Variants in GPC3 observed in about 807,000 individuals in gnomAD.
The protein encoded by GPC3 is glypican 3.
GPC3 carries 3 observed loss-of-function variants against 34.4 expected under a neutral mutation model. That is an observed-to-expected ratio of 0.09 (90% CI 0.04 to 0.23). The LOEUF (loss-of-function observed/expected upper bound fraction) is 0.23, where lower values mean the gene tolerates loss of function less well. GPC3 is among the 10% of genes least tolerant of loss of function. The pLI is 1.00. For synonymous variants in GPC3, 177 were observed against 174.0 expected, an observed-to-expected ratio of 1.02 and a Z score of -0.13; for missense variants, 351 against 445.6, an observed-to-expected ratio of 0.79 and a Z score of 1.91.
At chrX:133,830,859 T>C (rs779635974) in intron 2 of GPC3, among the ~76,000 whole-genome samples, 3 of 109,323 alleles carry the variant, frequency 2.7e-5, no homozygotes, top group African/African-American at 1.0e-4. Context: ...GAGAAAGACA[T>C]TTATAGGACA....
chrX:133,708,945 TTA>T (rs1475460999), intron 3 of GPC3, among the ~76,000 whole-genome samples: 1 of 112,466 alleles, frequency 8.9e-6, no homozygotes, highest in African/African-American at 3.2e-5. Flanking sequence ...GAAATAATGA[TTA>T]TGTTTTTCCA....
At chrX:133,598,559 T>G (rs1208789007) in intron 6 of GPC3, among the ~76,000 whole-genome samples, 1 of 111,532 alleles carries the variant, frequency 9.0e-6, no homozygotes, top group Non-Finnish European at 1.9e-5. Context: ...GTTGAAACAT[T>G]TGCAGTTAAT....
chrX:133,788,088 T>TTA (rs56318773), intron 2 of GPC3, among the ~76,000 whole-genome samples: 2,953 of 64,693 alleles, frequency 0.046, 96 homozygotes, highest in South Asian at 0.13. Flanking sequence ...TCATATTATT[T>TTA]TATATATATA....
At chrX:133,726,593 C>G (rs2071409788) in intron 3 of GPC3, among the ~76,000 whole-genome samples, 1 of 111,081 alleles carries the variant, frequency 9.0e-6, no homozygotes, top group African/African-American at 3.3e-5. Flanking sequence ...CTTATGGAGT[C>G]CCTCTCAGCA....
At chrX:133,850,189 GTTTT>G (rs1278278255) in intron 2 of GPC3, among the ~76,000 whole-genome samples, 6 of 72,678 alleles carry the variant, frequency 8.3e-5, no homozygotes, top group Admixed American at 1.4e-4. Context: ...TGTTTTTTGG[GTTTT>G]GTTTTTTTTT....
intron 2 of GPC3, among the ~76,000 whole-genome samples, chrX:133,926,885 T>C (rs912903408): frequency 9.4e-6 from 1 of 106,918 alleles, no homozygotes; most frequent in Admixed American, 1.0e-4. Context: ...AGACTGGGCC[T>C]GGAGCTTGGT....
intron 1 of GPC3, among the ~76,000 whole-genome samples, chrX:133,961,346 G>A (rs985301850): frequency 1.8e-5 from 2 of 111,233 alleles, no homozygotes; most frequent in Non-Finnish European, 3.8e-5. Flanking sequence ...AAGCAACCGT[G>A]GAGATAAGCC....
intron 6 of GPC3, among the ~76,000 whole-genome samples, chrX:133,634,054 G>A (rs1203922067): frequency 8.9e-6 from 1 of 111,933 alleles, no homozygotes; most frequent in Non-Finnish European, 1.9e-5. Context: ...ATATGTACCA[G>A]TGGATAATAG....
At chrX:133,802,380 T>G (rs1167060759) in intron 2 of GPC3, among the ~76,000 whole-genome samples, 2 of 110,425 alleles carry the variant, frequency 1.8e-5, no homozygotes, top group Admixed American at 1.9e-4. Flanking sequence ...CAACAACATA[T>G]TAAGAGCCAA....
At chrX:133,821,986 T>C (rs1351562492) in intron 2 of GPC3, among the ~76,000 whole-genome samples, 5 of 112,061 alleles carry the variant, frequency 4.5e-5, no homozygotes, top group Non-Finnish European at 1.9e-5. Flanking sequence ...CTAAAGGGCA[T>C]GCATAAATAC....
intron 1 of GPC3, among the ~76,000 whole-genome samples, chrX:133,971,020 GA>G (rs1305042385): frequency 1.8e-5 from 2 of 112,218 alleles, no homozygotes; most frequent in Non-Finnish European, 3.8e-5. Context: ...CTTCATCAGG[GA>G]AAAGCAGGTT....
At chrX:133,692,913 C>T (rs966972976) in intron 4 of GPC3, among the ~76,000 whole-genome samples, 1 of 110,930 alleles carries the variant, frequency 9.0e-6, no homozygotes, top group Non-Finnish European at 1.9e-5. Context: ...AGAGATGGTC[C>T]GTTTCCATAT....
chrX:133,884,844 A>T (rs1397589645), intron 2 of GPC3, among the ~76,000 whole-genome samples: 1 of 112,124 alleles, frequency 8.9e-6, no homozygotes, highest in Non-Finnish European at 1.9e-5. Context: ...TGAACTATTG[A>T]TTGATTATGT....
chrX:133,558,903 G>GTAAGTAAATAAA (rs769131029), intron 7 of GPC3, among the ~76,000 whole-genome samples: 8 of 102,601 alleles, frequency 7.8e-5, no homozygotes, highest in East Asian at 3.1e-4. Flanking sequence ...AAATAAGTAA[G>GTAAGTAAATAAA]TAAATAAATA....
intron 2 of GPC3, among the ~76,000 whole-genome samples, chrX:133,923,476 C>A (rs1323377050): frequency 1.8e-5 from 2 of 111,773 alleles, no homozygotes; most frequent in East Asian, 5.6e-4. Flanking sequence ...GACGGTAGGT[C>A]TTCCTGATCA....
chrX:133,726,707 T>G (rs1170703485), intron 3 of GPC3, among the ~76,000 whole-genome samples: 2 of 111,392 alleles, frequency 1.8e-5, no homozygotes, highest in African/African-American at 6.5e-5. Flanking sequence ...CAAATCTTTC[T>G]GTTGGCTCTC....
rs778407878 is a variant in GPC3 at position 133,796,870 on chromosome X, C to T, written c.338-42694G>A. Reference sequence around the variant, plus strand: ...CTACTTATTACTCCCCATAGTACCCCAGCCCTACCTAGGCTCATGGTAATC... The same window carrying T: ...CTACTTATTACTCCCCATAGTACCCTAGCCCTACCTAGGCTCATGGTAATC... On this transcript the variant is annotated intron_variant, in intron 2 of 7. Transcript: ENST00000370818. Among the ~76,000 whole-genome samples, 106 of 111,402 alleles carry T rather than the reference C, an allele frequency of 9.5e-4. 1 individual carries two copies. Among genetic ancestry groups the T allele is most frequent in the African/African-American group, 3.3e-3 (102 of 30,674 alleles).
intron 3 of GPC3, among the ~76,000 whole-genome samples, chrX:133,749,954 T>C (rs777398223): frequency 9.0e-6 from 1 of 111,575 alleles, no homozygotes; most frequent in East Asian, 2.8e-4. Flanking sequence ...GGATCACATC[T>C]GGCCAGTGAT....
At chrX:133,617,872 C>T (rs1230516384) in intron 6 of GPC3, among the ~76,000 whole-genome samples, 1 of 111,677 alleles carries the variant, frequency 9.0e-6, no homozygotes, top group Non-Finnish European at 1.9e-5. Flanking sequence ...AATCCTCCTA[C>T]CTCAGCCTCC....
Sources: allele counts gnomAD v4.1 joint callset (sites outside exome capture counted in the v4.1 genomes callset), GRCh38; gene constraint gnomAD v4.1.1; transcripts MANE v1.5; gene names NCBI Gene and HGNC (gene_info 2026-07-23, HGNC 2026-07-21).